The following EPHA6 variants were observed in gnomAD, a reference collection of about 807,000 sequenced individuals.
EPHA6 encodes EPH receptor A6, also known as ephrin type-A receptor 6.
EPHA6 carries 50 observed loss-of-function variants against 112.0 expected under a neutral mutation model. The ratio of observed to expected loss-of-function variants is 0.45; its 90% CI spans 0.36 to 0.56. EPHA6 has a LOEUF of 0.56. EPHA6 is among the 20% of genes least tolerant of loss of function. The probability of loss-of-function intolerance (pLI) is 0.00; values close to 1 mark genes in which losing one functional copy is unlikely to be tolerated. For missense variants in EPHA6, 1,280 were observed against 1,417.4 expected (o/e 0.90, Z 1.56); for synonymous variants, 529 against 490.7 (o/e 1.08, Z -1.03).
chr3:97,659,667 C>T (rs559191123), intron 14 of EPHA6, among the ~76,000 whole-genome samples: 9 of 151,942 alleles, frequency 5.9e-5, no homozygotes, highest in African/African-American at 1.9e-4. Context: ...TGAAATATAA[C>T]GTAACACAGT....
chr3:97,157,670 C>T (rs2076320270), intron 3 of EPHA6, among the ~76,000 whole-genome samples: 1 of 152,076 alleles, frequency 6.6e-6, no homozygotes, highest in Non-Finnish European at 1.5e-5. Flanking sequence ...CCAGAAGGCT[C>T]AAGACCCGAG....
chr3:97,168,382 C>T (rs181059699), intron 3 of EPHA6, among the ~76,000 whole-genome samples: 7 of 152,164 alleles, frequency 4.6e-5, no homozygotes, highest in Middle Eastern at 3.4e-3. Flanking sequence ...GTGATTAGAT[C>T]GTGGGGGTGG....
chr3:96,958,903 T>C (rs2041859942), intron 2 of EPHA6, among the ~76,000 whole-genome samples: 1 of 152,258 alleles, frequency 6.6e-6, no homozygotes, highest in Non-Finnish European at 1.5e-5. Context: ...ATTTTATTTA[T>C]GCATTCATCA....
intron 14 of EPHA6, among the ~76,000 whole-genome samples, chr3:97,668,363 C>T (rs1453039190): frequency 2.0e-5 from 3 of 152,142 alleles, no homozygotes; most frequent in Non-Finnish European, 4.4e-5. Context: ...GCCAAAACAA[C>T]ATCCCAGTGC....
chr3:96,908,472 T>A (rs1165796757), intron 2 of EPHA6, among the ~76,000 whole-genome samples: 1 of 151,946 alleles, frequency 6.6e-6, no homozygotes, highest in Non-Finnish European at 1.5e-5. Context: ...GAATTTTATG[T>A]CATATACTTC....
chr3:96,875,292 A>G (rs1394169606), intron 2 of EPHA6, among the ~76,000 whole-genome samples: 2 of 152,098 alleles, frequency 1.3e-5, no homozygotes, highest in African/African-American at 4.8e-5. Context: ...GACCTCCCCT[A>G]CATCCAGGTA....
intron 5 of EPHA6, among the ~76,000 whole-genome samples, chr3:97,305,788 T>A (rs1559867007): frequency 1.3e-5 from 2 of 151,856 alleles, no homozygotes; most frequent in Non-Finnish European, 2.9e-5. Flanking sequence ...AGGTGATGGG[T>A]TGATAGGTAC....
intron 11 of EPHA6, among the ~76,000 whole-genome samples, chr3:97,586,627 G>A (rs1438565647): frequency 2.0e-5 from 3 of 152,068 alleles, no homozygotes; most frequent in Admixed American, 6.6e-5. Context: ...ACAAAGTAAG[G>A]ATAAATGAAA....
At chr3:97,603,610 T>A (rs1302294817) in intron 12 of EPHA6, among the ~76,000 whole-genome samples, 2 of 151,902 alleles carry the variant, frequency 1.3e-5, no homozygotes, top group Non-Finnish European at 1.5e-5. Context: ...CAATTCTAGA[T>A]TAACCATAAA....
chr3:97,424,857 G>A (rs2088979967), intron 6 of EPHA6, among the ~76,000 whole-genome samples: 1 of 150,104 alleles, frequency 6.7e-6, no homozygotes, highest in South Asian at 2.1e-4. Context: ...TACAATGGGA[G>A]TACAAGTGTT....
At chr3:97,008,696 G>T (rs557054618) in intron 3 of EPHA6, among the ~76,000 whole-genome samples, 2 of 152,220 alleles carry the variant, frequency 1.3e-5, no homozygotes, top group African/African-American at 4.8e-5. Context: ...AGGCACTCTG[G>T]CCTTTTGGGT....
At chr3:96,930,858 G>C (rs1230381457) in intron 2 of EPHA6, among the ~76,000 whole-genome samples, 1 of 151,804 alleles carries the variant, frequency 6.6e-6, no homozygotes, top group Non-Finnish European at 1.5e-5. Flanking sequence ...CAGGCATGGT[G>C]GCATGCGCCT....
chr3:97,158,813 A>C (rs899325373), intron 3 of EPHA6, among the ~76,000 whole-genome samples: 7 of 152,138 alleles, frequency 4.6e-5, no homozygotes, highest in African/African-American at 1.4e-4. Flanking sequence ...GGTGGGCTGG[A>C]GGTGACTGCA....
chr3:97,726,628 C>G (rs1381184320), intron 15 of EPHA6, among the ~76,000 whole-genome samples: 1 of 151,960 alleles, frequency 6.6e-6, no homozygotes, highest in Non-Finnish European at 1.5e-5. Context: ...TGTTTTCTAG[C>G]GTATGAAGAT....
chr3:97,305,336 AT>A (rs1260401267), intron 5 of EPHA6, among the ~76,000 whole-genome samples: 1 of 152,068 alleles, frequency 6.6e-6, no homozygotes, highest in Non-Finnish European at 1.5e-5. Flanking sequence ...AGAACCAGAA[AT>A]ACCACTTGAC....
chr3:97,244,854 A>G (rs548726309), intron 5 of EPHA6, among the ~76,000 whole-genome samples: 1 of 152,136 alleles, frequency 6.6e-6, no homozygotes, highest in Admixed American at 6.6e-5. Flanking sequence ...ATTCAGCTAA[A>G]TGTTCTCTTT....
chr3:97,156,210 A>AAAT lies in EPHA6; in HGVS notation c.1115-70052_1115-70050dup, dbSNP rs2076286170. The stretch of plus-strand genomic sequence containing the variant: ...TGTTCATGTTAAGACTGGAGTGACT[A>AAAT]AATAGTCTTTTAAATCAGATGTGGG... On this transcript the variant is annotated intron_variant, in intron 3 of 17. Transcript: ENST00000389672. Among the ~76,000 whole-genome samples the AAAT allele has an allele frequency of 2.6e-5, 4 of 152,136 alleles. No homozygotes were observed. The South Asian group carries it at 8.3e-4, about 32-fold the overall frequency.
rs370879722 is a variant in EPHA6 at position 97,158,780 on chromosome 3, C to T, written c.1115-67484C>T. On this transcript the variant is annotated intron_variant, in intron 3 of 17. Transcript: ENST00000389672. ...ACACAGACAAATTGGACCAGGGGAA[C>T]AATCAGATATGCATTTGTGTATGGT... Among the ~76,000 whole-genome samples, 8 of 152,186 alleles carry T rather than the reference C, an allele frequency of 5.3e-5. No homozygotes were observed. The East Asian group carries it at 9.7e-4, about 18-fold the overall frequency.
At chr3:97,648,784 C>T (rs2094086488) in intron 14 of EPHA6, among the ~76,000 whole-genome samples, 1 of 152,092 alleles carries the variant, frequency 6.6e-6, no homozygotes, top group Non-Finnish European at 1.5e-5. Flanking sequence ...AAAGGACTCA[C>T]ACTGAAAAAT....
Sources: allele counts gnomAD v4.1 joint callset (sites outside exome capture counted in the v4.1 genomes callset), GRCh38; gene constraint gnomAD v4.1.1; transcripts MANE v1.5; gene names NCBI Gene and HGNC (gene_info 2026-07-23, HGNC 2026-07-21).